NAV2: variants seen among roughly 807,000 people sequenced by gnomAD.
The protein encoded by NAV2 is helicase, APC down-regulated 1.
NAV2 carries 54 observed loss-of-function variants against 223.2 expected under a neutral mutation model. The ratio of observed to expected loss-of-function variants is 0.24; its 90% CI spans 0.19 to 0.30. NAV2 has a LOEUF of 0.30. Among genes scored for constraint, NAV2 ranks in the 10% least tolerant of loss-of-function variants. The pLI, the probability that NAV2 is intolerant of heterozygous loss-of-function variation, is 1.00. For synonymous variants in NAV2, 1,279 were observed against 1,239.3 expected (o/e 1.03, Z -0.67); for missense variants, 2,806 against 3,147.5 (o/e 0.89, Z 2.60).
In NAV2 at chr11:20,017,849, T is replaced by C. The variant is rs78232068; in HGVS notation, c.2769-18110T>C. ...CAGTAAAATTCCACACCAGGCAATG[T>C]GATGTGTGTCACATCTTTTAATGTG... On this transcript the variant is annotated intron_variant, in intron 11 of 37. Transcript: ENST00000349880. Among the ~76,000 whole-genome samples, 718 of 152,318 alleles carry C rather than the reference T, an allele frequency of 4.7e-3. 5 individuals carry two copies. The highest frequency in any genetic ancestry group is 0.017 in the African/African-American group (699 of 41,574).
At chr11:19,907,392 C>G (rs1040974620) in intron 6 of NAV2, among the ~76,000 whole-genome samples, 1 of 152,134 alleles carries the variant, frequency 6.6e-6, no homozygotes, top group African/African-American at 2.4e-5. Flanking sequence ...ACTGAATGAC[C>G]TTCACTGAAA....
chr11:20,087,443 G>A (rs761375975), intron 26 of NAV2, among the ~76,000 whole-genome samples: 8 of 152,338 alleles, frequency 5.3e-5, no homozygotes, highest in South Asian at 2.1e-4. Flanking sequence ...TGCAAATCTA[G>A]ATGTGAGAGG....
chr11:19,854,086 G>A (rs1384282316), intron 3 of NAV2, among the ~76,000 whole-genome samples: 6 of 152,156 alleles, frequency 3.9e-5, no homozygotes, highest in Non-Finnish European at 7.3e-5. Context: ...AAATTGGATG[G>A]TGATTTATAA....
At chr11:19,435,250 C>T (rs762956935) in intron 1 of NAV2, among the ~76,000 whole-genome samples, 1 of 152,170 alleles carries the variant, frequency 6.6e-6, no homozygotes, top group Non-Finnish European at 1.5e-5. Flanking sequence ...CCACCAGCTT[C>T]TGGTAACCAC....
intron 1 of NAV2, among the ~76,000 whole-genome samples, chr11:19,491,953 CAAAG>C (rs150598510): frequency 0.32 from 38,435 of 120,548 alleles, 5,040 homozygotes; most frequent in South Asian, 0.4. Context: ...TAGGGAGACT[CAAAG>C]AGAGAGAGAG....
chr11:19,422,609 C>T (rs1381544470), intron 1 of NAV2, among the ~76,000 whole-genome samples: 3 of 145,002 alleles, frequency 2.1e-5, no homozygotes, highest in South Asian at 4.5e-4. Context: ...CTCTCTCTCT[C>T]TGTTGTTCTG....
chr11:19,773,078 G>A (rs1392096895), intron 1 of NAV2, among the ~76,000 whole-genome samples: 1 of 152,172 alleles, frequency 6.6e-6, no homozygotes, highest in Non-Finnish European at 1.5e-5. Flanking sequence ...GGGATGCCAG[G>A]CCTCAACCCT....
intron 1 of NAV2, among the ~76,000 whole-genome samples, chr11:19,402,159 T>C (rs541494492): frequency 6.6e-6 from 1 of 152,150 alleles, no homozygotes; most frequent in Non-Finnish European, 1.5e-5. Flanking sequence ...AGGCCACCTC[T>C]CTAGATGGTA....
At chr11:19,351,352 G>A (rs1049330445) in intron 1 of NAV2, among the ~76,000 whole-genome samples, 6 of 152,178 alleles carry the variant, frequency 3.9e-5, no homozygotes, top group African/African-American at 1.2e-4. Flanking sequence ...AGCCCCCTTC[G>A]GGATTCACAC....
intron 6 of NAV2, among the ~76,000 whole-genome samples, chr11:19,894,098 G>C (rs955946048): frequency 3.3e-5 from 5 of 152,134 alleles, no homozygotes; most frequent in Admixed American, 2.6e-4. Flanking sequence ...ATGTGTAAAA[G>C]CTAAACTTTA....
At position 19,846,247 on chromosome 11, in the gene NAV2, A is replaced by G. The variant is rs141104925; in HGVS notation, c.438+3324A>G. On this transcript the variant is annotated intron_variant, in intron 3 of 37. Transcript: ENST00000349880. The stretch of plus-strand genomic sequence containing the variant: ...CCCACAGAGGAAGGTTTTACAAACA[A>G]TCATCCATTGATTGTACCAAATTGC... 7.5e-4 allele frequency among the ~76,000 whole-genome samples: 114 copies of G among 152,324 alleles called. 2 individuals carry two copies. The South Asian group carries it at 0.011, about 15-fold the overall frequency.
chr11:20,100,482 G>C (rs1344319512), intron 31 of NAV2, among the ~76,000 whole-genome samples: 4 of 152,120 alleles, frequency 2.6e-5, no homozygotes, highest in Non-Finnish European at 5.9e-5. Context: ...GGCAACCTCA[G>C]GGTTGTGACA....
intron 1 of NAV2, among the ~76,000 whole-genome samples, chr11:19,510,390 T>C (rs1265860771): frequency 6.6e-6 from 1 of 152,232 alleles, no homozygotes; most frequent in Non-Finnish European, 1.5e-5. Context: ...TACTGATTTC[T>C]TGTCTCCTTC....
intron 12 of NAV2, among the ~76,000 whole-genome samples, chr11:20,043,563 A>ACCTCTAC (rs2057151807): frequency 6.6e-6 from 1 of 151,906 alleles, no homozygotes; most frequent in African/African-American, 2.4e-5. Context: ...CACCTCAACC[A>ACCTCTAC]CCCGAGTGGG....
intron 3 of NAV2, among the ~76,000 whole-genome samples, chr11:19,864,566 A>T (rs1213890081): frequency 6.6e-6 from 1 of 151,996 alleles, no homozygotes; most frequent in East Asian, 1.9e-4. Flanking sequence ...ATTTGTTTTG[A>T]TTTTTCTAAC....
At chr11:19,573,709 T>C (rs1163901009) in intron 1 of NAV2, among the ~76,000 whole-genome samples, 3 of 152,162 alleles carry the variant, frequency 2.0e-5, no homozygotes, top group Non-Finnish European at 4.4e-5. Flanking sequence ...GGACTGTGCT[T>C]TCTTCTCCTG....
chr11:19,432,023 C>A (rs902289122), intron 1 of NAV2, among the ~76,000 whole-genome samples: 1 of 152,070 alleles, frequency 6.6e-6, no homozygotes, highest in South Asian at 2.1e-4. Context: ...CAGGATGAAA[C>A]CCTGTCTGTA....
intron 1 of NAV2, among the ~76,000 whole-genome samples, chr11:19,756,284 C>A (rs1002642440): frequency 6.6e-6 from 1 of 152,190 alleles, no homozygotes; most frequent in Non-Finnish European, 1.5e-5. Context: ...ACCCTACACC[C>A]ACCCTAATCC....
chr11:19,890,059 A>G (rs2041368858), intron 5 of NAV2, among the ~76,000 whole-genome samples: 1 of 152,232 alleles, frequency 6.6e-6, no homozygotes, highest in Non-Finnish European at 1.5e-5. Context: ...GGAGAAGACG[A>G]GAAAGGAAAC....
Sources: allele counts gnomAD v4.1 joint callset (sites outside exome capture counted in the v4.1 genomes callset), GRCh38; gene constraint gnomAD v4.1.1; transcripts MANE v1.5; gene names NCBI Gene and HGNC (gene_info 2026-07-23, HGNC 2026-07-21).